The following RARB variants were observed in gnomAD, a reference collection of about 807,000 sequenced individuals.
RARB encodes the protein HBV-activated protein.
RARB carries 17 observed loss-of-function variants against 51.9 expected under a neutral mutation model. That is an observed-to-expected ratio of 0.33 (90% CI 0.22 to 0.49). The LOEUF (loss-of-function observed/expected upper bound fraction) is 0.49, where lower values mean the gene tolerates loss of function less well. RARB is among the 20% of genes least tolerant of loss of function. The pLI, the probability that RARB is intolerant of heterozygous loss-of-function variation, is 0.99. For missense variants in RARB, 369 were observed against 550.8 expected (o/e 0.67, Z 3.30); for synonymous variants, 215 against 195.4 (o/e 1.10, Z -0.84).
chr3:25,385,989 G>A (rs181275344), intron 5 of RARB, among the ~76,000 whole-genome samples: 158 of 152,230 alleles, frequency 1.0e-3, no homozygotes, highest in African/African-American at 2.2e-3. Flanking sequence ...TGGCATTTCC[G>A]TCAGTCCGTG....
At chr3:24,839,135 A>G (rs1289093979) in intron 1 of RARB, among the ~76,000 whole-genome samples, 1 of 152,144 alleles carries the variant, frequency 6.6e-6, no homozygotes, top group Non-Finnish European at 1.5e-5. Context: ...CAAAGATACT[A>G]ATTTACTCCA....
chr3:25,286,952 C>T (rs546586256), intron 5 of RARB, among the ~76,000 whole-genome samples: 8 of 152,264 alleles, frequency 5.3e-5, no homozygotes, highest in South Asian at 4.2e-4. Flanking sequence ...GAAAAACTCC[C>T]GATCACTCAT....
chr3:25,533,750 A>G (rs905327136), intron 3 of RARB, among the ~76,000 whole-genome samples: 1 of 152,250 alleles, frequency 6.6e-6, no homozygotes, highest in African/African-American at 2.4e-5. Flanking sequence ...AAAACCAATT[A>G]ACAAAGTTTA....
chr3:25,497,011 A>C (rs1283060981), intron 2 of RARB, among the ~76,000 whole-genome samples: 2 of 152,086 alleles, frequency 1.3e-5, no homozygotes, highest in Admixed American at 6.5e-5. Context: ...CAGCCTCCCG[A>C]GTAGCTGGAA....
intron 5 of RARB, among the ~76,000 whole-genome samples, chr3:25,363,699 G>A (rs1706023951): frequency 1.3e-5 from 2 of 152,028 alleles, no homozygotes; most frequent in Non-Finnish European, 2.9e-5. Context: ...CCCTTTCCAT[G>A]CCTTATAACT....
At chr3:25,306,000 G>T (rs2125430251) in intron 5 of RARB, among the ~76,000 whole-genome samples, 1 of 152,270 alleles carries the variant, frequency 6.6e-6, no homozygotes, top group South Asian at 2.1e-4. Context: ...CATATAGAGA[G>T]CTTAAATGGA....
chr3:25,565,138 G>C (rs937395952), intron 3 of RARB, among the ~76,000 whole-genome samples: 6 of 152,184 alleles, frequency 3.9e-5, no homozygotes, highest in African/African-American at 1.4e-4. Flanking sequence ...GCTGTGGACT[G>C]TGTGTACATG....
chr3:25,133,657 C>G (rs1206819731), intron 4 of RARB, among the ~76,000 whole-genome samples: 2 of 151,850 alleles, frequency 1.3e-5, no homozygotes, highest in Non-Finnish European at 2.9e-5. Flanking sequence ...TTTTCTGTGA[C>G]TACACATAAT....
At chr3:25,492,812 G>A (rs908809320) in intron 2 of RARB, among the ~76,000 whole-genome samples, 1 of 152,068 alleles carries the variant, frequency 6.6e-6, no homozygotes, top group Non-Finnish European at 1.5e-5. Context: ...GGAATTGAAA[G>A]GAGACTTTTA....
intron 5 of RARB, among the ~76,000 whole-genome samples, chr3:25,385,095 G>A (rs1441307469): frequency 6.6e-6 from 1 of 152,100 alleles, no homozygotes; most frequent in African/African-American, 2.4e-5. Flanking sequence ...CTCCACACTT[G>A]TCCTCTCTTT....
At chr3:25,119,357 G>T (rs935057104) in intron 3 of RARB, among the ~76,000 whole-genome samples, 3 of 152,056 alleles carry the variant, frequency 2.0e-5, no homozygotes, top group Non-Finnish European at 4.4e-5. Flanking sequence ...TTTGACCTTG[G>T]CAAATTGTCT....
rs397875286 is a variant in RARB, at chr3:24,906,844, C to CAAA, written c.-380+48111_-380+48113dup. Among the ~76,000 whole-genome samples, 184 of 75,626 alleles carry CAAA rather than the reference C, an allele frequency of 2.4e-3. 4 individuals are homozygous for CAAA. Among genetic ancestry groups the CAAA allele is most frequent in the African/African-American group, 5.6e-3 (122 of 21,690 alleles). The allele number at this position is 75,626 out of a possible 152,430, so 49.6% of individuals were successfully genotyped here. On this transcript the variant is annotated intron_variant, in intron 2 of 11. Coordinates refer to the RARB transcript ENST00000383772. ...TGGACAACAGAATGAGATTCCGTCT[C>CAAA]AAAAAAAAAAAAAAAAAAAAAGCAA...
intron 4 of RARB, among the ~76,000 whole-genome samples, chr3:25,570,431 G>A (rs931622064): frequency 6.6e-6 from 1 of 152,208 alleles, no homozygotes; most frequent in Admixed American, 6.5e-5. Context: ...CCTTCTGTGA[G>A]AGGACATGTA....
chr3:25,125,970 C>G (rs1699853329), intron 3 of RARB, among the ~76,000 whole-genome samples: 1 of 152,110 alleles, frequency 6.6e-6, no homozygotes, highest in African/African-American at 2.4e-5. Context: ...AGGGCAGTGG[C>G]CTTCACAGTG....
chr3:25,411,546 G>T (rs1454281563), intron 5 of RARB, among the ~76,000 whole-genome samples: 1 of 152,194 alleles, frequency 6.6e-6, no homozygotes, highest in Non-Finnish European at 1.5e-5. Context: ...GATGTGGAGA[G>T]TTCCTCACTG....
chr3:25,003,173 C>G (rs983688485), intron 2 of RARB, among the ~76,000 whole-genome samples: 2 of 142,126 alleles, frequency 1.4e-5, no homozygotes, highest in African/African-American at 5.6e-5. Flanking sequence ...AATTGTTGTT[C>G]TAAGGCAAAA....
At chr3:25,037,565 A>T (rs750970524) in intron 2 of RARB, among the ~76,000 whole-genome samples, 1 of 152,156 alleles carries the variant, frequency 6.6e-6, no homozygotes, top group Non-Finnish European at 1.5e-5. Flanking sequence ...AGTATGTGTC[A>T]CTTGGCTCAA....
At chr3:24,850,618 C>A (rs1393196316) in intron 1 of RARB, among the ~76,000 whole-genome samples, 2 of 147,918 alleles carry the variant, frequency 1.4e-5, no homozygotes, top group African/African-American at 5.2e-5. Context: ...GTAGGAAGTG[C>A]TTTCTGAATG....
At chr3:24,980,219 A>C (rs1696613427) in intron 2 of RARB, among the ~76,000 whole-genome samples, 1 of 151,998 alleles carries the variant, frequency 6.6e-6, no homozygotes, top group South Asian at 2.1e-4. Flanking sequence ...CCTTCATTTC[A>C]ACCTTGGTGA....
Sources: allele counts gnomAD v4.1 joint callset (sites outside exome capture counted in the v4.1 genomes callset), GRCh38; gene constraint gnomAD v4.1.1; transcripts MANE v1.5; gene names NCBI Gene and HGNC (gene_info 2026-07-23, HGNC 2026-07-21).